The following PHAF1 variants were observed in gnomAD, a reference collection of about 807,000 sequenced individuals.
The protein encoded by PHAF1 is phagosome assembly factor 1.
In PHAF1, 23 loss-of-function variants were observed where a neutral mutation model predicts 63.1. That is an observed-to-expected ratio of 0.36 (90% CI 0.26 to 0.52). The LOEUF (loss-of-function observed/expected upper bound fraction) is 0.52, where lower values mean the gene tolerates loss of function less well. Ranked by LOEUF, PHAF1 falls within the 20% of genes least tolerant of loss-of-function variation. The pLI is 0.93. For missense variants in PHAF1, 427 were observed against 517.2 expected, an observed-to-expected ratio of 0.83 and a Z score of 1.69; for synonymous variants, 167 against 185.0, an observed-to-expected ratio of 0.90 and a Z score of 0.79.
intron 2 of PHAF1, among the ~76,000 whole-genome samples, chr16:67,120,697 T>C: frequency 6.6e-6 from 1 of 151,778 alleles, no homozygotes; most frequent in East Asian, 1.9e-4. Flanking sequence ...AAACCTGCAG[T>C]TCTGTGACAC....
chr16:67,134,021 G>A, intron 6 of PHAF1, 147 bp from the exon 7 acceptor site: 1 of 638,148 alleles, frequency 1.6e-6, no homozygotes, highest in East Asian at 2.6e-5. Context: ...GGAGTTTACT[G>A]ACCCAGAGCC....
At chr16:67,134,670 C>T in intron 8 of PHAF1, 1 of 671,902 alleles carries the variant, frequency 1.5e-6, no homozygotes, top group South Asian at 1.5e-5. Context: ...CTGGCAGATT[C>T]AGTATCTGGA....
chr16:67,126,801 G>A (rs1963211415), intron 3 of PHAF1, among the ~76,000 whole-genome samples: 1 of 150,968 alleles, frequency 6.6e-6, no homozygotes, highest in South Asian at 2.1e-4. Flanking sequence ...TGTTGACCAG[G>A]CTGTTTTCGA....
chr16:67,121,740 C>T (rs1275403778), intron 2 of PHAF1, among the ~76,000 whole-genome samples: 1 of 151,764 alleles, frequency 6.6e-6, no homozygotes, highest in Admixed American at 6.6e-5. Context: ...ACCACCACTC[C>T]CAGCTAATTT....
At chr16:67,122,997 C>T (rs79406394) in intron 2 of PHAF1, among the ~76,000 whole-genome samples, 6 of 151,550 alleles carry the variant, frequency 4.0e-5, no homozygotes, top group African/African-American at 7.3e-5. Flanking sequence ...CCAAAGTGCT[C>T]GGATTACAAG....
chr16:67,127,414 G>A (rs1963234846), intron 3 of PHAF1, among the ~76,000 whole-genome samples: 1 of 152,226 alleles, frequency 6.6e-6, no homozygotes, highest in South Asian at 2.1e-4. Context: ...GAATCAGTAT[G>A]TGGAATTAGA....
intron 10 of PHAF1, among the ~76,000 whole-genome samples, chr16:67,143,943 T>C (rs913115077): frequency 7.6e-5 from 11 of 145,498 alleles, no homozygotes; most frequent in African/African-American, 2.8e-4. Context: ...AAAAATAAAT[T>C]AAAAAAAAAA....
chr16:67,123,411 T>C (rs2145840076), intron 2 of PHAF1, among the ~76,000 whole-genome samples: 1 of 150,442 alleles, frequency 6.6e-6, no homozygotes, highest in East Asian at 1.9e-4. Flanking sequence ...ACCCCGTCTT[T>C]ACTAAAAGTA....
intron 8 of PHAF1, chr16:67,135,638 G>A (rs1204878602): frequency 6.6e-6 from 1 of 151,910 alleles, no homozygotes; most frequent in Admixed American, 6.6e-5. Flanking sequence ...ACCATGCCCA[G>A]TTAATTTTTG....
intron 2 of PHAF1, among the ~76,000 whole-genome samples, chr16:67,121,820 T>C (rs1187419232): frequency 3.3e-5 from 5 of 152,166 alleles, no homozygotes; most frequent in Non-Finnish European, 4.4e-5. Flanking sequence ...CCTCAGGTGA[T>C]CCACCGGCCT....
chr16:67,127,842 C>A (rs1299157494), intron 3 of PHAF1, among the ~76,000 whole-genome samples: 1 of 152,048 alleles, frequency 6.6e-6, no homozygotes, highest in Non-Finnish European at 1.5e-5. Context: ...ATGGAAATTT[C>A]TTTACAAGTA....
At chr16:67,121,526 C>G (rs973298571) in intron 2 of PHAF1, among the ~76,000 whole-genome samples, 7 of 151,604 alleles carry the variant, frequency 4.6e-5, no homozygotes, top group African/African-American at 1.5e-4. Context: ...GTTTCTTAAA[C>G]CACCATGGAT....
rs796818761 is a variant in PHAF1 at position 67,125,864 on chromosome 16, T to C, written c.148-95T>C. ...GAGAGAGGGACTGTCTGCACTTAGA[T>C]ATTCCTTGTGTGTTGCATTTGTATT... On this transcript the variant is annotated intron_variant, in intron 2 of 15. Coordinates refer to ENST00000219139, the MANE Select transcript of PHAF1 (RefSeq NM_025187.5). 7.7e-5 allele frequency: 69 copies of C among 895,920 alleles called. No individual in the cohort carries two copies. In the African/African-American group the frequency reaches 9.1e-4, roughly 12 times the overall value. 55.5% of individuals were successfully genotyped at this position (895,920 alleles called of 1,614,324 possible). A position where few individuals can be genotyped will look rare whatever the true frequency, so the allele number is the denominator to read the frequency against.
chr16:67,144,882 G>A lies in PHAF1; in HGVS notation c.1006+5G>A. ...TCCCACTAGCCATAAAGAAAGGTGA[G>A]TAGTGAAAGCTCTCAGGGTAAGGGA... On this transcript the variant is annotated splice_donor_5th_base_variant and intron_variant, in intron 12 of 15. Transcript: ENST00000219139. 6.2e-7 allele frequency: 1 copy of A among 1,613,586 alleles called. No individual in the cohort carries two copies. Among genetic ancestry groups the A allele is most frequent in the African/African-American group, 1.3e-5 (1 of 75,020 alleles).
At chr16:67,141,987 C>A (rs1295701505) in intron 10 of PHAF1, among the ~76,000 whole-genome samples, 3 of 152,138 alleles carry the variant, frequency 2.0e-5, no homozygotes, top group Non-Finnish European at 4.4e-5. Flanking sequence ...GAGTTCTTGT[C>A]CTGCGGCCAG....
chr16:67,110,506 G>A (rs1271127466), intron 1 of PHAF1, among the ~76,000 whole-genome samples: 2 of 152,270 alleles, frequency 1.3e-5, no homozygotes, highest in South Asian at 2.1e-4. Flanking sequence ...CTCCCCAAAT[G>A]CCTAATGCCC....
intron 2 of PHAF1, among the ~76,000 whole-genome samples, chr16:67,122,584 A>G (rs975811431): frequency 2.0e-5 from 3 of 152,066 alleles, no homozygotes; most frequent in Non-Finnish European, 4.4e-5. Flanking sequence ...AAAAAAAAAA[A>G]AAAAAATGGG....
At chr16:67,141,825 G>C (rs1434804474) in intron 10 of PHAF1, among the ~76,000 whole-genome samples, 1 of 152,260 alleles carries the variant, frequency 6.6e-6, no homozygotes, top group Non-Finnish European at 1.5e-5. Flanking sequence ...CAAACAGGGT[G>C]TCACAGCTCT....
intron 8 of PHAF1, among the ~76,000 whole-genome samples, chr16:67,136,676 G>A (rs1449060222): frequency 6.7e-6 from 1 of 148,174 alleles, no homozygotes; most frequent in African/African-American, 2.5e-5. Context: ...TTGAACTCCT[G>A]GGCACAAGGA....
Sources: allele counts gnomAD v4.1 joint callset (sites outside exome capture counted in the v4.1 genomes callset), GRCh38; gene constraint gnomAD v4.1.1; transcripts MANE v1.5; gene names NCBI Gene and HGNC (gene_info 2026-07-23, HGNC 2026-07-21).